GNA15: variants seen among roughly 807,000 people sequenced by gnomAD.
GNA15 encodes the protein G protein subunit alpha 15.
Under a neutral mutation model 40.1 loss-of-function variants are expected in GNA15, and 23 were observed. The ratio of observed to expected loss-of-function variants is 0.57; its 90% CI spans 0.41 to 0.81. The LOEUF is 0.81. GNA15 is among the 40% of genes least tolerant of loss of function. GNA15 has a pLI of 0.00. For synonymous variants in GNA15, 226 were observed against 210.4 expected (o/e 1.07, Z -0.64); for missense variants, 522 against 515.8 (o/e 1.01, Z -0.12).
At chr19:3,152,385 C>A (rs1203673958) in intron 4 of GNA15, among the ~76,000 whole-genome samples, 1 of 152,052 alleles carries the variant, frequency 6.6e-6, no homozygotes, top group Non-Finnish European at 1.5e-5. Flanking sequence ...GGAATTAGAA[C>A]AGGAAGTCAA....
chr19:3,155,484 T>C lies in GNA15; in HGVS notation c.615-339T>C, dbSNP rs1442397579. Among the ~76,000 whole-genome samples the C allele has an allele frequency of 6.6e-6, 1 of 152,144 alleles. No homozygotes were observed. Among genetic ancestry groups the C allele is most frequent in the Non-Finnish European group, 1.5e-5 (1 of 68,002 alleles). On this transcript the variant is annotated intron_variant, in intron 4 of 6. Transcript: ENST00000262958. This position sits in a 1 kb window ranked among gnomAD's most constrained non-coding sequence, Gnocchi z 5.6. ...GGGAAAACTGAGTTTTGGAGATGTTTGGCAATTTCCTCCGCCGGGTCGCCC... is the reference window on the plus strand; with the variant it reads ...GGGAAAACTGAGTTTTGGAGATGTTCGGCAATTTCCTCCGCCGGGTCGCCC...
At chr19:3,153,060 A>G (rs912422408) in intron 4 of GNA15, among the ~76,000 whole-genome samples, 1 of 152,074 alleles carries the variant, frequency 6.6e-6, no homozygotes, top group Admixed American at 6.6e-5. Flanking sequence ...CGCTCTTCAC[A>G]ATAAATCTTG....
In GNA15 at chr19:3,161,803, C is replaced by T. The variant is rs554997445; in HGVS notation, c.899-990C>T. On this transcript the variant is annotated intron_variant, in intron 6 of 6. Transcript: ENST00000262958. ...GAAACCACACTTTGGGAGGCTGAGG[C>T]GCGCAGATCGCTTTAGGTCAGGAGT... Among the ~76,000 whole-genome samples, 22 of 152,198 alleles carry T rather than the reference C, an allele frequency of 1.4e-4. No individual in the cohort carries two copies. The South Asian group carries it at 2.3e-3, about 16-fold the overall frequency.
At position 3,151,078 on chromosome 19, in the gene GNA15, C is replaced by A. The variant is rs151274073; in HGVS notation, c.486-629C>A. Among the ~76,000 whole-genome samples, 7 of 151,998 alleles carry A rather than the reference C, an allele frequency of 4.6e-5. No homozygotes were observed. Among genetic ancestry groups the A allele is most frequent in the African/African-American group, 1.4e-4 (6 of 41,462 alleles). ...TGGGGGGACCTTGTTCCTGGGGGAA[C>A]CCTATTCCTAGAGAACCCTGTTCCC... On this transcript the variant is annotated intron_variant, in intron 3 of 6. Transcript: ENST00000262958. The surrounding 1 kb of genome is among the most constrained non-coding windows in gnomAD (Gnocchi z 5.0).
chr19:3,144,850 A>G (rs1301259166), intron 1 of GNA15, among the ~76,000 whole-genome samples: 1 of 94,770 alleles, frequency 1.1e-5, no homozygotes, highest in Admixed American at 1.0e-4. Flanking sequence ...TTTTTTTGAG[A>G]CAGAGTCTGG....
At chr19:3,145,336 AATATAT>A (rs1191752115) in intron 1 of GNA15, among the ~76,000 whole-genome samples, 2 of 60,200 alleles carry the variant, frequency 3.3e-5, no homozygotes, top group Non-Finnish European at 5.9e-5. Flanking sequence ...CGTCTGACTA[AATATAT>A]ATATATATAT....
chr19:3,163,352 G>C lies in GNA15; in HGVS notation c.*333G>C, dbSNP rs1915184413. On this transcript the variant is annotated 3_prime_UTR_variant, in exon 7 of 7. Coordinates refer to ENST00000262958, the MANE Select transcript of GNA15 (RefSeq NM_002068.4). ...GGCATCTCTCAGGAGCCCCATCTCC[G>C]GGCGTGTCACCTCCTGGGCAGGGTT... 4 of 378,194 alleles carry C rather than the reference G, an allele frequency of 1.1e-5. No homozygotes were observed. The highest frequency in any genetic ancestry group is 7.7e-5 in the South Asian group (3 of 39,142). The allele number at this position is 378,194 out of a possible 1,614,324, so 23.4% of individuals were successfully genotyped here.
At chr19:3,152,061 A>C (rs530316666) in intron 4 of GNA15, among the ~76,000 whole-genome samples, 2 of 152,304 alleles carry the variant, frequency 1.3e-5, no homozygotes, top group South Asian at 4.1e-4. Flanking sequence ...CCAGGAGGGA[A>C]TATCTTCTTG....
At chr19:3,147,084 C>A (rs1914741837) in intron 1 of GNA15, among the ~76,000 whole-genome samples, 1 of 152,122 alleles carries the variant, frequency 6.6e-6, no homozygotes, top group Non-Finnish European at 1.5e-5. Flanking sequence ...CACTGAGAGG[C>A]CTTCCTTGAC....
chr19:3,152,806 A>G (rs1222346002), intron 4 of GNA15, among the ~76,000 whole-genome samples: 1 of 152,016 alleles, frequency 6.6e-6, no homozygotes, highest in Non-Finnish European at 1.5e-5. Context: ...AATCCCCCAA[A>G]CCTATTGTTT....
Position 3,155,754 on chromosome 19 carries a change from T to G in GNA15, c.615-69T>G. ...TATGGATCTTGGCATATCCCAGACG[T>G]GATGGGGGTTGGGGGTGTCACGGAG... On this transcript the variant is annotated intron_variant, in intron 4 of 6. Transcript: ENST00000262958. The surrounding 1 kb of genome is among the most constrained non-coding windows in gnomAD (Gnocchi z 5.6). The G allele has an allele frequency of 6.4e-7, 1 of 1,551,504 alleles. No individual in the cohort carries two copies. Among genetic ancestry groups the G allele is most frequent in the Non-Finnish European group, 8.7e-7 (1 of 1,146,154 alleles).
intron 1 of GNA15, among the ~76,000 whole-genome samples, chr19:3,145,361 T>TATATATATATATATATATATATATA (rs57906685): frequency 1.1e-4 from 3 of 28,204 alleles, no homozygotes; most frequent in African/African-American, 5.4e-4. Context: ...ATATATATAT[T>TATATATATATATATATATATATATA]TTTTTTTTTT....
chr19:3,158,768 C>T (rs1388520863), intron 6 of GNA15, among the ~76,000 whole-genome samples: 3 of 151,962 alleles, frequency 2.0e-5, no homozygotes, highest in Non-Finnish European at 2.9e-5. Flanking sequence ...ATTACAGGCA[C>T]GTGCCACCAA....
rs1201617137 is a variant in GNA15, at chr19:3,136,610, G to T, written c.145+15G>T. 1 of 1,547,088 alleles carries T rather than the reference G, an allele frequency of 6.5e-7. No homozygotes were observed. The highest frequency in any genetic ancestry group is 1.2e-5 in the South Asian group (1 of 83,888). ...GCTGCTTTTGGGTGAGTCCAGGGTC[G>T]GTGGGCGGTGGGTGGTGGGCAGTGG... On this transcript the variant is annotated intron_variant, in intron 1 of 6. Transcript: ENST00000262958. This position sits in a 1 kb window ranked among gnomAD's most constrained non-coding sequence, Gnocchi z 4.9.
intron 4 of GNA15, among the ~76,000 whole-genome samples, chr19:3,152,574 C>A (rs1490769326): frequency 6.6e-6 from 1 of 152,058 alleles, no homozygotes; most frequent in African/African-American, 2.4e-5. Context: ...CTAACCCTAA[C>A]CCTAACCCAG....
chr19:3,148,988 T>G lies in GNA15; in HGVS notation c.330+213T>G, dbSNP rs1914806491. ...GCACACACAAGTATACACGCATAAA[T>G]GCACACACGCACATGTATGCACACG... On this transcript the variant is annotated intron_variant, in intron 2 of 6. Transcript: ENST00000262958. 6 of 568,046 alleles carry G rather than the reference T, an allele frequency of 1.1e-5. No individual in the cohort carries two copies. The South Asian group carries it at 1.3e-4, about 13-fold the overall frequency. The allele number at this position is 568,046 out of a possible 1,614,324, so 35.2% of individuals were successfully genotyped here.
chr19:3,148,909 C>G (rs957389531), intron 2 of GNA15, 134 bp downstream of exon 2: 2 of 848,042 alleles, frequency 2.4e-6, no homozygotes, highest in African/African-American at 3.4e-5. Context: ...GGGAAGGGTC[C>G]CCAGACCCTG....
chr19:3,151,627 C>T lies in GNA15; in HGVS notation c.486-80C>T. On this transcript the variant is annotated intron_variant, in intron 3 of 6. Coordinates refer to ENST00000262958, the MANE Select transcript of GNA15 (RefSeq NM_002068.4). This position sits in a 1 kb window ranked among gnomAD's most constrained non-coding sequence, Gnocchi z 5.0. ...GGAGCTCTCCTCCCCCAGCAGGGTCCTTGCTGGGCCTTTCGTAGGGCCTGG... is the reference window on the plus strand; with the variant it reads ...GGAGCTCTCCTCCCCCAGCAGGGTCTTTGCTGGGCCTTTCGTAGGGCCTGG... 1 of 1,451,320 alleles carries T rather than the reference C, an allele frequency of 6.9e-7. No homozygotes were observed. The highest frequency in any genetic ancestry group is 9.1e-7 in the Non-Finnish European group (1 of 1,097,080). The allele number at this position is 1,451,320 out of a possible 1,614,324, so 89.9% of individuals were successfully genotyped here.
intron 1 of GNA15, among the ~76,000 whole-genome samples, chr19:3,144,945 C>T (rs1215196643): frequency 6.6e-6 from 1 of 151,968 alleles, no homozygotes; most frequent in Non-Finnish European, 1.5e-5. Context: ...TCTCCTGCCT[C>T]AGCCTCCTGT....
Sources: allele counts gnomAD v4.1 joint callset (sites outside exome capture counted in the v4.1 genomes callset), GRCh38; gene constraint gnomAD v4.1.1; non-coding constraint Gnocchi (gnomAD v3.1); transcripts MANE v1.5; gene names NCBI Gene and HGNC (gene_info 2026-07-23, HGNC 2026-07-21).